Variants in GABRA4 observed in about 807,000 individuals in gnomAD.
GABRA4 encodes gamma-aminobutyric acid type A receptor subunit alpha4, also known as gamma-aminobutyric acid receptor subunit alpha-4.
GABRA4 carries 12 observed loss-of-function variants against 49.7 expected under a neutral mutation model. The observed-to-expected ratio is 0.24, with a 90% confidence interval of 0.15 to 0.39. The LOEUF (loss-of-function observed/expected upper bound fraction) is 0.39. Ranked by LOEUF, GABRA4 falls within the 10% of genes least tolerant of loss-of-function variation. The probability of loss-of-function intolerance (pLI) is 1.00; values close to 1 mark genes in which losing one functional copy is unlikely to be tolerated. For missense variants in GABRA4, 506 were observed against 686.0 expected, an observed-to-expected ratio of 0.74 and a Z score of 2.93; for synonymous variants, 288 against 240.2, an observed-to-expected ratio of 1.20 and a Z score of -1.84.
chr4:46,960,498 G>T, intron 8 of GABRA4, among the ~76,000 whole-genome samples: 1 of 151,314 alleles, frequency 6.6e-6, no homozygotes, highest in Admixed American at 6.6e-5. Flanking sequence ...CATAGCTCAG[G>T]GCACAGTTAA....
rs946663384 is a variant in GABRA4, at chr4:46,971,380, G to A, written c.722-145C>T. ...TAGCTACACAAACATCAATAAGTAT[G>A]TAGTTTCCTAACGAGGGAGAAAATG... On this transcript the variant is annotated intron_variant, in intron 6 of 8. Coordinates refer to ENST00000264318, the MANE Select transcript of GABRA4 (RefSeq NM_000809.4). 4 of 707,466 alleles carry A rather than the reference G, an allele frequency of 5.7e-6. No individual in the cohort carries two copies. The African/African-American group carries it at 7.3e-5, about 13-fold the overall frequency. The allele number at this position is 707,466 out of a possible 1,614,324, so 43.8% of individuals were successfully genotyped here.
At chr4:46,970,881 C>A (rs924650741) in intron 7 of GABRA4, among the ~76,000 whole-genome samples, 1 of 151,476 alleles carries the variant, frequency 6.6e-6, no homozygotes, top group African/African-American at 2.4e-5. Context: ...AAATCTGATG[C>A]CTGGCCCCAG....
intron 8 of GABRA4, among the ~76,000 whole-genome samples, chr4:46,954,958 C>T (rs972376146): frequency 6.6e-6 from 1 of 152,080 alleles, no homozygotes; most frequent in Non-Finnish European, 1.5e-5. Context: ...AACAACATAA[C>T]AACAGATGGC....
At chr4:46,984,893 C>G (rs1442591714) in intron 2 of GABRA4, among the ~76,000 whole-genome samples, 1 of 151,990 alleles carries the variant, frequency 6.6e-6, no homozygotes, top group Non-Finnish European at 1.5e-5. Flanking sequence ...ATCTTGTCAA[C>G]TCCCACTTAC....
At chr4:46,976,698 G>C (rs1315366616) in intron 5 of GABRA4, among the ~76,000 whole-genome samples, 1 of 151,284 alleles carries the variant, frequency 6.6e-6, no homozygotes, top group Non-Finnish European at 1.5e-5. Flanking sequence ...TATCTGAAGT[G>C]ATATGTGTTA....
chr4:46,930,715 T>A (rs1054867524), intron 8 of GABRA4, among the ~76,000 whole-genome samples: 2 of 151,578 alleles, frequency 1.3e-5, no homozygotes, highest in African/African-American at 4.8e-5. Flanking sequence ...CCTTTAGAAA[T>A]CTGTATGTTT....
At chr4:46,940,874 C>A (rs1384716867) in intron 8 of GABRA4, among the ~76,000 whole-genome samples, 2 of 152,138 alleles carry the variant, frequency 1.3e-5, no homozygotes, top group African/African-American at 4.8e-5. Context: ...TTTAACAAGG[C>A]TCTCAAGCTG....
At chr4:46,939,583 T>C (rs1214641252) in intron 8 of GABRA4, among the ~76,000 whole-genome samples, 1 of 151,980 alleles carries the variant, frequency 6.6e-6, no homozygotes, top group Non-Finnish European at 1.5e-5. Context: ...AGAGGCCACC[T>C]GGAATAGAAA....
intron 8 of GABRA4, among the ~76,000 whole-genome samples, chr4:46,956,782 T>C (rs1468778776): frequency 6.6e-6 from 1 of 152,068 alleles, no homozygotes; most frequent in South Asian, 2.1e-4. Context: ...AAAAATATAT[T>C]ACTTTTTAAA....
At chr4:46,929,261 G>C (rs962914807) in intron 8 of GABRA4, among the ~76,000 whole-genome samples, 1 of 151,758 alleles carries the variant, frequency 6.6e-6, no homozygotes, top group African/African-American at 2.4e-5. Flanking sequence ...ATTTAAAAAA[G>C]TCCAAAAACT....
rs189062648 is a variant in GABRA4 at position 46,930,796 on chromosome 4, C to A, written c.1135-2041G>T. On this transcript the variant is annotated intron_variant, in intron 8 of 8. Coordinates refer to ENST00000264318, the MANE Select transcript of GABRA4 (RefSeq NM_000809.4). ...AATGAAGTAACAGGAACTAAGTCTA[C>A]TTTCCTGCCTAAAATGACCCCCAAA... Among the ~76,000 whole-genome samples, 556 of 151,708 alleles carry A rather than the reference C, an allele frequency of 3.7e-3. 3 individuals are homozygous for A. Among genetic ancestry groups the A allele is most frequent in the African/African-American group, 0.012 (512 of 41,396 alleles).
At chr4:46,974,093 A>G in intron 6 of GABRA4, 139 bp downstream of exon 6, 1 of 674,316 alleles carries the variant, frequency 1.5e-6, no homozygotes, top group Non-Finnish European at 2.4e-6. Flanking sequence ...ATTATGAGCT[A>G]TAACTCATGC....
intron 8 of GABRA4, among the ~76,000 whole-genome samples, chr4:46,939,803 C>A (rs1006162869): frequency 6.6e-6 from 1 of 151,874 alleles, no homozygotes; most frequent in Non-Finnish European, 1.5e-5. Flanking sequence ...ATTAGAAAAT[C>A]CTTTCTTCCC....
At position 46,922,527 on chromosome 4, in the gene GABRA4, T is replaced by C. The variant is rs972779035; in HGVS notation, c.*5698A>G. 1.3e-5 allele frequency: 2 copies of C among 151,862 alleles called. No individual in the cohort carries two copies. Among genetic ancestry groups the C allele is most frequent in the African/African-American group, 2.4e-5 (1 of 41,362 alleles). 9.4% of individuals were successfully genotyped at this position (151,862 alleles called of 1,614,324 possible). On this transcript the variant is annotated 3_prime_UTR_variant, in exon 9 of 9. Coordinates refer to ENST00000264318, the MANE Select transcript of GABRA4 (RefSeq NM_000809.4). ...GCCAGATAAAAACTTTTTCAAGAAA[T>C]AGAGGAAGAGTTTATATAAATAGGT...
At chr4:46,962,450 A>G (rs1370044408) in intron 8 of GABRA4, among the ~76,000 whole-genome samples, 2 of 151,956 alleles carry the variant, frequency 1.3e-5, no homozygotes, top group Non-Finnish European at 2.9e-5. Flanking sequence ...GATGAAATAA[A>G]TTGAACAGGA....
chr4:46,985,226 C>G (rs977138707), intron 2 of GABRA4, among the ~76,000 whole-genome samples: 1 of 151,908 alleles, frequency 6.6e-6, no homozygotes, highest in Non-Finnish European at 1.5e-5. Flanking sequence ...TAAAGACAGT[C>G]AACCTAAAAT....
At chr4:46,941,621 A>G (rs796314999) in intron 8 of GABRA4, among the ~76,000 whole-genome samples, 3 of 152,200 alleles carry the variant, frequency 2.0e-5, no homozygotes, top group African/African-American at 7.2e-5. Context: ...ATACTCAGAT[A>G]TTTGTATTTT....
chr4:46,967,857 T>C (rs1722817422), intron 7 of GABRA4, among the ~76,000 whole-genome samples: 2 of 151,674 alleles, frequency 1.3e-5, no homozygotes, highest in African/African-American at 4.8e-5. Context: ...GAGTGAATTT[T>C]TGGCTGGCCA....
At chr4:46,982,655 T>C (rs1406775082) in intron 2 of GABRA4, among the ~76,000 whole-genome samples, 2 of 152,094 alleles carry the variant, frequency 1.3e-5, no homozygotes, top group African/African-American at 4.8e-5. Context: ...TACTTATAGG[T>C]CGTGGTAAGA....
Sources: allele counts gnomAD v4.1 joint callset (sites outside exome capture counted in the v4.1 genomes callset), GRCh38; gene constraint gnomAD v4.1.1; transcripts MANE v1.5; gene names NCBI Gene and HGNC (gene_info 2026-07-23, HGNC 2026-07-21).